CD8B2: variants seen among roughly 807,000 people sequenced by gnomAD.
The protein encoded by CD8B2 is T-cell surface glycoprotein CD8 beta-2 chain.
Under a neutral mutation model 23.7 loss-of-function variants are expected in CD8B2, and 11 were observed. That is an observed-to-expected ratio of 0.46 (90% CI 0.29 to 0.77). CD8B2 has a LOEUF of 0.77. Among genes scored for constraint, CD8B2 ranks in the 30% least tolerant of loss-of-function variants. CD8B2 has a pLI of 0.09. For synonymous variants in CD8B2, 90 were observed against 109.3 expected (o/e 0.82, Z 1.10); for missense variants, 197 against 270.5 (o/e 0.73, Z 1.91).
chr2:106,514,342 C>T (rs1403071024), downstream of CD8B2, among the ~76,000 whole-genome samples: 1 of 145,234 alleles, frequency 6.9e-6, no homozygotes, highest in Non-Finnish European at 1.5e-5. Context: ...GGCTGGAGTG[C>T]AGTGGCACGA....
intron 2 of CD8B2, among the ~76,000 whole-genome samples, chr2:106,495,609 T>G (rs1385674104): frequency 6.6e-6 from 1 of 152,132 alleles, no homozygotes; most frequent in African/African-American, 2.4e-5. Context: ...TCTGTGTGGC[T>G]CCAGAGCCTT....
chr2:106,514,888 A>G (rs907454457), downstream of CD8B2, among the ~76,000 whole-genome samples: 25 of 152,196 alleles, frequency 1.6e-4, no homozygotes, highest in African/African-American at 5.8e-4. Context: ...TTTCCAGAAA[A>G]ATAATAATCT....
rs1679096125 is a variant in CD8B2 at position 106,487,448 on chromosome 2, C to T, written c.22C>T (p.Leu8Phe). The T allele has an allele frequency of 3.2e-6, 4 of 1,249,398 alleles. No homozygotes were observed. Among genetic ancestry groups the T allele is most frequent in the East Asian group, 3.2e-5 (1 of 31,720 alleles). The allele number at this position is 1,249,398 out of a possible 1,614,324, so 77.4% of individuals were successfully genotyped here. A position where few individuals can be genotyped will look rare whatever the true frequency, so the allele number is the denominator to read the frequency against. The change falls in exon 1 of 6, where the codon CTC becomes TTC. Residue 8 changes from leucine to phenylalanine, a missense_variant. Leu to Phe is a conservative substitution (Grantham distance 22). Around this residue, in one of 3 missense-constraint regions of CD8B2, gnomAD observed 140 missense variants for 164.2 expected, o/e 0.85. Coordinates refer to ENST00000643224, the MANE Select transcript of CD8B2 (RefSeq NM_001349727.2). ...CCCGATGCGGCCGCGGCTGTGGCTC[C>T]TCCTGGCCGCGCAGCTGACAGGTAA... is the stretch of plus-strand genomic sequence containing the variant. MRPRLWL[L>F]LAAQLTVLHG... is the part of the protein sequence containing the mutation.
intron 5 of CD8B2, among the ~76,000 whole-genome samples, chr2:106,530,254 C>T (rs1679972367): frequency 1.3e-5 from 2 of 151,734 alleles, no homozygotes; most frequent in Non-Finnish European, 3.0e-5. Context: ...TCCCAGAAAT[C>T]GAAGGAGGGC....
chr2:106,533,005 G>C (rs1051531187), intron 5 of CD8B2, among the ~76,000 whole-genome samples: 7 of 152,192 alleles, frequency 4.6e-5, no homozygotes, highest in Non-Finnish European at 1.0e-4. Flanking sequence ...ATAAGCTGCT[G>C]AACGTGGATT....
At chr2:106,530,222 T>C (rs1394899122) in intron 5 of CD8B2, among the ~76,000 whole-genome samples, 1 of 151,754 alleles carries the variant, frequency 6.6e-6, no homozygotes, top group Admixed American at 6.6e-5. Context: ...GAGGAGATCT[T>C]GAGGGCGCAA....
chr2:106,496,394 G>A, intron 3 of CD8B2, 132 bp downstream of exon 3: 2 of 1,415,728 alleles, frequency 1.4e-6, no homozygotes, highest in South Asian at 2.7e-5. Flanking sequence ...CCCAAGCTAG[G>A]GTCAGAAAGG....
chr2:106,488,916 G>A (rs1252146197), intron 1 of CD8B2, among the ~76,000 whole-genome samples: 3 of 152,132 alleles, frequency 2.0e-5, no homozygotes, highest in Non-Finnish European at 4.4e-5. Context: ...CGGCAGTGTG[G>A]TGTTTGGGGA....
At chr2:106,513,932 G>T (rs1276568158), downstream of CD8B2, among the ~76,000 whole-genome samples, 1 of 152,084 alleles carries the variant, frequency 6.6e-6, no homozygotes, top group Non-Finnish European at 1.5e-5. Context: ...AGGGAGGGAG[G>T]GTGGCTTCCA....
At chr2:106,524,763 T>A (rs1371359217) in intron 5 of CD8B2, among the ~76,000 whole-genome samples, 1 of 152,176 alleles carries the variant, frequency 6.6e-6, no homozygotes, top group Non-Finnish European at 1.5e-5. Flanking sequence ...CGCATTGTTA[T>A]TTTTATTTTT....
At chr2:106,541,423 T>C (rs1408654334) in intron 5 of CD8B2, among the ~76,000 whole-genome samples, 1 of 152,138 alleles carries the variant, frequency 6.6e-6, no homozygotes, top group Non-Finnish European at 1.5e-5. Context: ...CATTTGACAA[T>C]GTCCAGGCAC....
intron 5 of CD8B2, among the ~76,000 whole-genome samples, chr2:106,533,438 C>T (rs573598324): frequency 2.2e-4 from 34 of 152,166 alleles, no homozygotes; most frequent in Non-Finnish European, 3.7e-4. Context: ...CTTTTGTAAA[C>T]GTTGGTGATG....
chr2:106,499,687 A>C (rs1362018118), intron 3 of CD8B2, among the ~76,000 whole-genome samples: 1 of 151,976 alleles, frequency 6.6e-6, no homozygotes, highest in African/African-American at 2.4e-5. Flanking sequence ...TCACCCCAGT[A>C]AGATTCCCTG....
intron 5 of CD8B2, among the ~76,000 whole-genome samples, chr2:106,518,636 C>T (rs1679773236): frequency 6.6e-6 from 1 of 152,148 alleles, no homozygotes; most frequent in Non-Finnish European, 1.5e-5. Context: ...CTCTCCCTGT[C>T]CTCATCCATC....
At chr2:106,498,777 A>G (rs1232982304) in intron 3 of CD8B2, among the ~76,000 whole-genome samples, 2 of 152,162 alleles carry the variant, frequency 1.3e-5, no homozygotes, top group Non-Finnish European at 2.9e-5. Flanking sequence ...AGATGCTATT[A>G]TACACCAGGC....
rs1217852856 is a variant in CD8B2 at position 106,533,452 on chromosome 2, A to G, written c.621-10540A>G. On this transcript the variant is annotated intron_variant, in intron 5 of 5. Coordinates refer to the CD8B2 transcript ENST00000416057. ...CCTTTTGTAAACGTTGGTGATGACG[A>G]GGAAAGAGTTGAACTGTGAAATCCT... 3.9e-5 allele frequency among the ~76,000 whole-genome samples: 6 copies of G among 152,246 alleles called. No homozygotes were observed. In the East Asian group the frequency reaches 7.7e-4, roughly 20 times the overall value.
rs370681643 is a variant in CD8B2, at chr2:106,492,511, G to A, written c.403+1278G>A. ...ATATGGCTCATCTCGATTCAGACTG[G>A]CCACATTTCACGTGCTCAGCAGCAC... is the stretch of plus-strand genomic sequence containing the variant. On this transcript the variant is annotated intron_variant, in intron 2 of 5. Coordinates refer to ENST00000643224, the MANE Select transcript of CD8B2 (RefSeq NM_001349727.2). Among the ~76,000 whole-genome samples the A allele has an allele frequency of 5.9e-5, 9 of 152,274 alleles. No individual in the cohort carries two copies. The East Asian group carries it at 1.4e-3, about 23-fold the overall frequency.
chr2:106,529,650 T>C (rs969088673), intron 5 of CD8B2, among the ~76,000 whole-genome samples: 1 of 152,254 alleles, frequency 6.6e-6, no homozygotes, highest in African/African-American at 2.4e-5. Context: ...TCACCTAGGC[T>C]ACTAACATGG....
rs1010301487 is a variant in CD8B2 at position 106,502,556 on chromosome 2, C to T, written c.576C>T (p.His192=). The change falls in exon 4 of 6, where the codon CAC becomes CAT. Residue 192 remains histidine (H), a synonymous_variant. Coordinates refer to ENST00000643224, the MANE Select transcript of CD8B2 (RefSeq NM_001349727.2). ...TGGTTTCCCTGGGAGTGGCCATGCA[C>T]CTGTGCTGTGAGTTGTCTCCTCTTG... is the stretch of plus-strand genomic sequence containing the variant. ...VLLVSLGVAM[H]LCCRRRRARL... is the part of the protein sequence containing the mutation. 1.8e-4 allele frequency: 277 copies of T among 1,558,632 alleles called. No individual in the cohort carries two copies. The highest frequency in any genetic ancestry group is 2.3e-4 in the Non-Finnish European group (259 of 1,146,934).
Sources: allele counts gnomAD v4.1 joint callset (sites outside exome capture counted in the v4.1 genomes callset), GRCh38; gene constraint gnomAD v4.1.1; regional missense constraint gnomAD v4.1.1; transcripts MANE v1.5; gene names NCBI Gene and HGNC (gene_info 2026-07-23, HGNC 2026-07-21).